CCSER1: variants seen among roughly 807,000 people sequenced by gnomAD.
The protein encoded by CCSER1 is serine-rich coiled-coil domain-containing protein 1.
A neutral mutation model predicts 82.0 loss-of-function variants in CCSER1; 41 were observed. That is an observed-to-expected ratio of 0.50 (90% CI 0.39 to 0.65). The LOEUF (loss-of-function observed/expected upper bound fraction) is 0.65, where lower values mean the gene tolerates loss of function less well. CCSER1 is among the 30% of genes least tolerant of loss of function. The pLI, the probability that CCSER1 is intolerant of heterozygous loss-of-function variation, is 0.00. For synonymous variants in CCSER1, 414 were observed against 383.9 expected (o/e 1.08, Z -0.92); for missense variants, 1,119 against 1,064.2 (o/e 1.05, Z -0.72).
chr4:90,397,844 A>G (rs1460360360), intron 3 of CCSER1, among the ~76,000 whole-genome samples: 1 of 152,210 alleles, frequency 6.6e-6, no homozygotes, highest in African/African-American at 2.4e-5. Flanking sequence ...TACAATGTCT[A>G]AGATGTCCTC....
At chr4:90,645,723 A>G (rs1381986635) in intron 6 of CCSER1, among the ~76,000 whole-genome samples, 1 of 152,202 alleles carries the variant, frequency 6.6e-6, no homozygotes, top group Non-Finnish European at 1.5e-5. Context: ...ACCTACTGAA[A>G]TTCTATGTCC....
intron 1 of CCSER1, among the ~76,000 whole-genome samples, chr4:90,173,495 T>G (rs1177487914): frequency 6.6e-6 from 1 of 151,942 alleles, no homozygotes; most frequent in Non-Finnish European, 1.5e-5. Flanking sequence ...ATTGACTTTA[T>G]TCACTTTTGT....
At chr4:91,371,261 T>C (rs1750023885) in intron 10 of CCSER1, among the ~76,000 whole-genome samples, 1 of 152,162 alleles carries the variant, frequency 6.6e-6, no homozygotes, top group African/African-American at 2.4e-5. Context: ...ACTGTATTTT[T>C]GTACATCCCC....
intron 10 of CCSER1, among the ~76,000 whole-genome samples, chr4:91,520,576 A>G (rs1760404827): frequency 1.3e-5 from 2 of 152,224 alleles, no homozygotes; most frequent in South Asian, 2.1e-4. Flanking sequence ...CACATTTTTT[A>G]CTGTGTTTTC....
At chr4:90,858,422 A>G (rs892523712) in intron 8 of CCSER1, among the ~76,000 whole-genome samples, 13 of 152,124 alleles carry the variant, frequency 8.5e-5, no homozygotes, top group African/African-American at 2.9e-4. Flanking sequence ...AAATAAGACA[A>G]TTGCACACAT....
Position 90,820,261 on chromosome 4 carries a change from A to G in CCSER1, c.2094+4416A>G, listed in dbSNP as rs973538365. Reference sequence around the variant, plus strand: ...GGGCATTGGTTTCTTCAACTGTCAAATAATACCACTGTATGTTTTGGTCTG... The same window carrying G: ...GGGCATTGGTTTCTTCAACTGTCAAGTAATACCACTGTATGTTTTGGTCTG... On this transcript the variant is annotated intron_variant, in intron 8 of 10. Transcript: ENST00000509176. Among the ~76,000 whole-genome samples, 7 of 152,224 alleles carry G rather than the reference A, an allele frequency of 4.6e-5. No individual in the cohort carries two copies. The South Asian group carries it at 6.2e-4, about 14-fold the overall frequency.
intron 5 of CCSER1, among the ~76,000 whole-genome samples, chr4:90,590,785 C>T (rs1319831551): frequency 3.3e-5 from 5 of 152,080 alleles, no homozygotes; most frequent in Non-Finnish European, 7.4e-5. Context: ...ATATGGGCTC[C>T]ATTTTGGTTC....
intron 7 of CCSER1, among the ~76,000 whole-genome samples, chr4:90,757,933 C>CTTT (rs200053849): frequency 7.3e-6 from 1 of 136,490 alleles, no homozygotes; most frequent in African/African-American, 2.7e-5. Context: ...GTTTCCTTTT[C>CTTT]TTTTTTTTTT....
chr4:91,176,902 T>C (rs1733439401), intron 10 of CCSER1, among the ~76,000 whole-genome samples: 1 of 152,198 alleles, frequency 6.6e-6, no homozygotes, highest in Non-Finnish European at 1.5e-5. Context: ...TGTGCCAGTT[T>C]TCAAAGGGAA....
chr4:90,418,317 T>C (rs1372894254), intron 4 of CCSER1, among the ~76,000 whole-genome samples: 2 of 152,104 alleles, frequency 1.3e-5, no homozygotes, highest in Non-Finnish European at 2.9e-5. Context: ...AGCATCTGAT[T>C]CTGACAGATT....
intron 7 of CCSER1, among the ~76,000 whole-genome samples, chr4:90,794,891 G>A (rs113749670): frequency 1.3e-5 from 2 of 151,980 alleles, no homozygotes; most frequent in African/African-American, 4.8e-5. Flanking sequence ...CACTTCCCTT[G>A]TTAGCTGTAT....
At chr4:90,781,873 C>T in intron 7 of CCSER1, 2 of 930,002 alleles carry the variant, frequency 2.2e-6, no homozygotes, top group Non-Finnish European at 2.6e-6. Flanking sequence ...TTATGAAAGA[C>T]AGTAATAATG....
intron 10 of CCSER1, among the ~76,000 whole-genome samples, chr4:91,220,976 T>A (rs1737695903): frequency 6.6e-6 from 1 of 152,144 alleles, no homozygotes; most frequent in Non-Finnish European, 1.5e-5. Flanking sequence ...AAAAATTAAC[T>A]GACGTATTCA....
chr4:90,722,967 T>C (rs1742932935), intron 6 of CCSER1, among the ~76,000 whole-genome samples: 1 of 151,996 alleles, frequency 6.6e-6, no homozygotes, highest in Admixed American at 6.6e-5. Flanking sequence ...ACTTATATCC[T>C]TATCTCACTT....
chr4:90,519,578 G>A (rs140095427), intron 5 of CCSER1, among the ~76,000 whole-genome samples: 7 of 151,934 alleles, frequency 4.6e-5, no homozygotes, highest in African/African-American at 1.7e-4. Context: ...AGTATGAACT[G>A]CTTATTACAA....
At chr4:91,473,506 A>G (rs960470816) in intron 10 of CCSER1, among the ~76,000 whole-genome samples, 1 of 152,146 alleles carries the variant, frequency 6.6e-6, no homozygotes, top group African/African-American at 2.4e-5. Flanking sequence ...ATGTTTTAGA[A>G]GGACCCTGGA....
chr4:90,570,285 C>T (rs1305071268), intron 5 of CCSER1, among the ~76,000 whole-genome samples: 1 of 152,120 alleles, frequency 6.6e-6, no homozygotes, highest in Non-Finnish European at 1.5e-5. Context: ...TGGAAGAAGC[C>T]TAGTTGGTCA....
At chr4:90,831,167 C>G (rs1761067392) in intron 8 of CCSER1, among the ~76,000 whole-genome samples, 2 of 152,082 alleles carry the variant, frequency 1.3e-5, no homozygotes, top group African/African-American at 4.8e-5. Flanking sequence ...TTGCTGAAGA[C>G]TGACTTCTTT....
intron 3 of CCSER1, among the ~76,000 whole-genome samples, chr4:90,344,027 C>G (rs991185402): frequency 6.6e-6 from 1 of 152,158 alleles, no homozygotes; most frequent in Non-Finnish European, 1.5e-5. Context: ...CCTGACTCCC[C>G]TCCCCAAGTC....
Sources: allele counts gnomAD v4.1 joint callset (sites outside exome capture counted in the v4.1 genomes callset), GRCh38; gene constraint gnomAD v4.1.1; transcripts MANE v1.5; gene names NCBI Gene and HGNC (gene_info 2026-07-23, HGNC 2026-07-21).